The following TTC28 variants were observed in gnomAD, a reference collection of about 807,000 sequenced individuals.
The protein encoded by TTC28 is tetratricopeptide repeat domain 28, also known as tetratricopeptide repeat protein 28.
A neutral mutation model predicts 198.0 loss-of-function variants in TTC28; 61 were observed. That is an observed-to-expected ratio of 0.31 (90% CI 0.25 to 0.38). TTC28 has a LOEUF of 0.38. TTC28 is among the 10% of genes least tolerant of loss of function. The pLI is 1.00. For missense variants in TTC28, 2,678 were observed against 3,164.0 expected, an observed-to-expected ratio of 0.85 and a Z score of 3.69; for synonymous variants, 1,171 against 1,297.8, an observed-to-expected ratio of 0.90 and a Z score of 2.10.
At chr22:28,438,965 C>T (rs1031335690) in intron 2 of TTC28, among the ~76,000 whole-genome samples, 6 of 152,064 alleles carry the variant, frequency 3.9e-5, no homozygotes, top group South Asian at 2.1e-4. Context: ...CTATTGTCTA[C>T]AAAAGATTAG....
At chr22:28,166,410 C>T (rs992353849) in intron 5 of TTC28, among the ~76,000 whole-genome samples, 4 of 152,176 alleles carry the variant, frequency 2.6e-5, no homozygotes, top group South Asian at 2.1e-4. Flanking sequence ...CCAAAATTGA[C>T]CACATGGTTG....
At chr22:28,337,907 C>G (rs1023010666) in intron 2 of TTC28, among the ~76,000 whole-genome samples, 2 of 152,224 alleles carry the variant, frequency 1.3e-5, no homozygotes, top group South Asian at 4.2e-4. Flanking sequence ...TTATTTTGCT[C>G]GTTGGTTGAT....
intron 5 of TTC28, among the ~76,000 whole-genome samples, chr22:28,198,119 T>G (rs1569192579): frequency 6.6e-6 from 1 of 152,170 alleles, no homozygotes; most frequent in Non-Finnish European, 1.5e-5. Flanking sequence ...TGTCTTTTGA[T>G]GAAGTAATCT....
chr22:28,018,460 C>T (rs1938469120), intron 13 of TTC28, among the ~76,000 whole-genome samples: 1 of 152,238 alleles, frequency 6.6e-6, no homozygotes, highest in South Asian at 2.1e-4. Context: ...AAGACTTTCT[C>T]CCTGAGCAGG....
At chr22:28,176,602 C>T (rs1427588266) in intron 5 of TTC28, among the ~76,000 whole-genome samples, 2 of 152,142 alleles carry the variant, frequency 1.3e-5, no homozygotes, top group Non-Finnish European at 2.9e-5. Flanking sequence ...ATGATAAATG[C>T]ATGAGGTAAC....
intron 2 of TTC28, among the ~76,000 whole-genome samples, chr22:28,390,122 G>A (rs1437899937): frequency 6.6e-6 from 1 of 152,060 alleles, no homozygotes; most frequent in Non-Finnish European, 1.5e-5. Context: ...TTCAGGAGCA[G>A]GTTGTTCAGT....
chr22:28,175,883 C>T (rs1015602958), intron 5 of TTC28, among the ~76,000 whole-genome samples: 19 of 151,982 alleles, frequency 1.3e-4, no homozygotes, highest in South Asian at 4.1e-4. Flanking sequence ...CCAGTTACAA[C>T]GGCTATTATA....
chr22:28,301,970 C>T lies in TTC28; in HGVS notation c.530-4118G>A, dbSNP rs953011736. Among the ~76,000 whole-genome samples the T allele has an allele frequency of 6.6e-5, 10 of 151,850 alleles. No homozygotes were observed. In the South Asian group the frequency reaches 1.9e-3, roughly 28 times the overall value. On this transcript the variant is annotated intron_variant, in intron 3 of 22. Transcript: ENST00000397906. ...AAGGATCACCTGAGCCCGGGAAGGT[C>T]GAGGCTGCAGTGAGCCATGACCATG...
chr22:28,018,306 C>CGCGCGCGCACGCGCGCG (rs1451764096), intron 13 of TTC28, among the ~76,000 whole-genome samples: 1 of 49,254 alleles, frequency 2.0e-5, no homozygotes, highest in African/African-American at 6.0e-5. Flanking sequence ...TGTGCGCGCG[C>CGCGCGCGCACGCGCGCG]GGGGGGGGGG....
At chr22:28,406,339 T>TTAATTAAAATAATTAAATACC (rs1233860549) in intron 2 of TTC28, among the ~76,000 whole-genome samples, 4 of 152,218 alleles carry the variant, frequency 2.6e-5, no homozygotes, top group Non-Finnish European at 4.4e-5. Flanking sequence ...TAGAATTATT[T>TTAATTAAAATAATTAAATACC]TAATTAGGTA....
At chr22:28,630,395 ACAAG>A (rs2051154024) in intron 1 of TTC28, among the ~76,000 whole-genome samples, 1 of 152,132 alleles carries the variant, frequency 6.6e-6, no homozygotes, top group African/African-American at 2.4e-5. Context: ...AGCTCCAGGC[ACAAG>A]CAATCTTCTT....
intron 5 of TTC28, among the ~76,000 whole-genome samples, chr22:28,168,874 A>C (rs1457456621): frequency 6.6e-6 from 1 of 152,240 alleles, no homozygotes; most frequent in Non-Finnish European, 1.5e-5. Flanking sequence ...CTACCATCAG[A>C]GTGAACAGGC....
At chr22:28,053,621 C>T (rs1940168701) in intron 12 of TTC28, among the ~76,000 whole-genome samples, 1 of 152,108 alleles carries the variant, frequency 6.6e-6, no homozygotes, top group South Asian at 2.1e-4. Context: ...AAATAGAATC[C>T]CTGAAACCCT....
chr22:28,143,945 A>C lies in TTC28; in HGVS notation c.1441+19147T>G, dbSNP rs553976256. On this transcript the variant is annotated intron_variant, in intron 6 of 22. Transcript: ENST00000397906. ...TTTTTTACGAAGAGAAACTATTTAA[A>C]ATTTTCCCAGAGCCTCGACATTATT... 3.4e-4 allele frequency among the ~76,000 whole-genome samples: 52 copies of C among 152,318 alleles called. 1 individual carries two copies. In the South Asian group the frequency reaches 0.01, roughly 30 times the overall value.
intron 2 of TTC28, among the ~76,000 whole-genome samples, chr22:28,621,570 A>C (rs1683450582): frequency 6.6e-6 from 1 of 150,922 alleles, no homozygotes; most frequent in African/African-American, 2.4e-5. Flanking sequence ...AATAATAATA[A>C]AAAAAATAAA....
intron 2 of TTC28, among the ~76,000 whole-genome samples, chr22:28,497,478 T>C (rs779459029): frequency 2.0e-5 from 3 of 152,126 alleles, no homozygotes; most frequent in Non-Finnish European, 4.4e-5. Context: ...TTAGAAGCAA[T>C]TGAAAACTTT....
At chr22:28,040,662 T>C (rs766333487) in intron 12 of TTC28, among the ~76,000 whole-genome samples, 1 of 152,168 alleles carries the variant, frequency 6.6e-6, no homozygotes, top group Non-Finnish European at 1.5e-5. Context: ...AGCATTCCCT[T>C]TGAAAACCGG....
Position 27,989,921 on chromosome 22 carries a change from C to T in TTC28, c.5664G>A (p.Gln1888=). ...SAPIQVSISV[Q]LWRLPGCHEF... is the part of the protein sequence containing the mutation. ...CGTGGCATCCCGGGAGCCGCCACAG[C>T]TGGACGCTGATGGAGACCTGAATGG... Residue 1888 remains glutamine (Q), a synonymous_variant, in exon 21 of 23, where the codon CAG becomes CAA. Transcript: ENST00000397906. 6.4e-7 allele frequency: 1 copy of T among 1,551,438 alleles called. No individual in the cohort carries two copies. Among genetic ancestry groups the T allele is most frequent in the Non-Finnish European group, 8.7e-7 (1 of 1,146,930 alleles).
At chr22:28,302,708 T>G (rs770456595) in intron 3 of TTC28, among the ~76,000 whole-genome samples, 2 of 152,150 alleles carry the variant, frequency 1.3e-5, no homozygotes, top group Non-Finnish European at 1.5e-5. Flanking sequence ...TCTCACTCTG[T>G]CTGTCACCCG....
Sources: allele counts gnomAD v4.1 joint callset (sites outside exome capture counted in the v4.1 genomes callset), GRCh38; gene constraint gnomAD v4.1.1; transcripts MANE v1.5; gene names NCBI Gene and HGNC (gene_info 2026-07-23, HGNC 2026-07-21).